LINGO2: variants seen among roughly 807,000 people sequenced by gnomAD.
LINGO2 encodes leucine rich repeat and Ig domain containing 2.
A neutral mutation model predicts 30.6 loss-of-function variants in LINGO2; 14 were observed. That is an observed-to-expected ratio of 0.46 (90% confidence interval 0.30 to 0.72). The LOEUF is 0.72. LINGO2 is among the 30% of genes least tolerant of loss of function. The pLI, the probability that LINGO2 is intolerant of heterozygous loss-of-function variation, is 0.07. For synonymous variants in LINGO2, 317 were observed against 288.5 expected (o/e 1.10, Z -1.00); for missense variants, 729 against 751.7 (o/e 0.97, Z 0.35).
At chr9:28,389,847 A>C (rs1209397928) in intron 2 of LINGO2, among the ~76,000 whole-genome samples, 1 of 152,168 alleles carries the variant, frequency 6.6e-6, no homozygotes, top group Non-Finnish European at 1.5e-5. Context: ...GGACACAATA[A>C]ATTTCTGATT....
intron 1 of LINGO2, among the ~76,000 whole-genome samples, chr9:28,501,098 T>TA (rs1232715222): frequency 1.3e-5 from 2 of 149,458 alleles, no homozygotes; most frequent in African/African-American, 5.1e-5. Flanking sequence ...GCAAAACAAA[T>TA]AAAAAAAGAT....
At chr9:28,565,506 T>A (rs539964805) in intron 1 of LINGO2, among the ~76,000 whole-genome samples, 77 of 150,788 alleles carry the variant, frequency 5.1e-4, no homozygotes, top group South Asian at 1.9e-3. Flanking sequence ...TTTTTATTTT[T>A]TTTTTTTTAC....
chr9:28,294,058 T>C (rs1191665884), intron 4 of LINGO2, among the ~76,000 whole-genome samples: 2 of 152,196 alleles, frequency 1.3e-5, no homozygotes, highest in Admixed American at 1.3e-4. Flanking sequence ...ATCTACACTA[T>C]TTCAAAAAAT....
chr9:28,551,785 A>G (rs1304002135), intron 1 of LINGO2, among the ~76,000 whole-genome samples: 1 of 152,066 alleles, frequency 6.6e-6, no homozygotes, highest in East Asian at 1.9e-4. Flanking sequence ...ATACAAATCA[A>G]GCCTTTTTCA....
chr9:29,009,497 A>G, the LINGO2 span, among the ~76,000 whole-genome samples: 1 of 152,226 alleles, frequency 6.6e-6, no homozygotes, highest in South Asian at 2.1e-4. Flanking sequence ...CTCTTCAAGG[A>G]GAACTACAAA....
the LINGO2 span, among the ~76,000 whole-genome samples, chr9:28,885,821 T>C: frequency 6.6e-6 from 1 of 152,132 alleles, no homozygotes; most frequent in African/African-American, 2.4e-5. Flanking sequence ...GAGGTTGCCA[T>C]GCAGAAACTA....
chr9:28,269,141 C>A (rs1340338369), intron 4 of LINGO2, among the ~76,000 whole-genome samples: 4 of 152,066 alleles, frequency 2.6e-5, no homozygotes, highest in Admixed American at 6.6e-5. Context: ...CAGAGTTAAA[C>A]ATGTCCATTT....
intron 1 of LINGO2, chr9:28,598,997 C>T (rs1352125084): frequency 1.3e-5 from 2 of 152,134 alleles, no homozygotes; most frequent in African/African-American, 4.8e-5. Context: ...AACTTGTTGT[C>T]AGATATGTTG....
intron 1 of LINGO2, among the ~76,000 whole-genome samples, chr9:28,512,620 TATATATATATATATATAC>T (rs780326233): frequency 0.46 from 16,838 of 36,832 alleles, 1,624 homozygotes; most frequent in South Asian, 0.54. Flanking sequence ...TATATATATA[TATATATATATATATATAC>T]ACACATACAT....
At chr9:29,136,356 T>C in the LINGO2 span, among the ~76,000 whole-genome samples, 9 of 152,196 alleles carry the variant, frequency 5.9e-5, no homozygotes, top group South Asian at 1.7e-3. Flanking sequence ...TCTATCTTCT[T>C]AACAAATCTA....
chr9:28,139,466 A>G (rs1465017405), intron 4 of LINGO2, among the ~76,000 whole-genome samples: 2 of 152,252 alleles, frequency 1.3e-5, no homozygotes, highest in Non-Finnish European at 2.9e-5. Context: ...TATATCAGCT[A>G]CATTCCTGGA....
chr9:28,464,726 G>T (rs1043185444), intron 2 of LINGO2, among the ~76,000 whole-genome samples: 10 of 152,144 alleles, frequency 6.6e-5, no homozygotes, highest in Admixed American at 2.6e-4. Flanking sequence ...TTAGAGTGGG[G>T]AACTTGGCTA....
intron 1 of LINGO2, among the ~76,000 whole-genome samples, chr9:28,554,803 C>T (rs1319556848): frequency 7.0e-6 from 1 of 143,332 alleles, no homozygotes; most frequent in Non-Finnish European, 1.5e-5. Flanking sequence ...AACAATCTCT[C>T]AGACCACAGT....
chr9:28,636,783 C>G (rs1174385162), intron 1 of LINGO2, among the ~76,000 whole-genome samples: 1 of 152,122 alleles, frequency 6.6e-6, no homozygotes, highest in African/African-American at 2.4e-5. Flanking sequence ...CCTGTTCACT[C>G]TGATGTTAGT....
the LINGO2 span, among the ~76,000 whole-genome samples, chr9:28,734,575 G>A: frequency 0.27 from 41,360 of 151,894 alleles, 5,956 homozygotes; most frequent in Admixed American, 0.39. Context: ...GCTGCTAAAT[G>A]GTAGATTCGC....
the LINGO2 span, among the ~76,000 whole-genome samples, chr9:28,950,957 A>C: frequency 6.6e-6 from 1 of 152,172 alleles, no homozygotes; most frequent in Non-Finnish European, 1.5e-5. Flanking sequence ...AAAAAGAACA[A>C]AGCTGGAGGC....
chr9:29,128,254 A>C, the LINGO2 span, among the ~76,000 whole-genome samples: 1 of 152,064 alleles, frequency 6.6e-6, no homozygotes, highest in Non-Finnish European at 1.5e-5. Context: ...AGACCTTAAC[A>C]TCTCCAAAGG....
intron 5 of LINGO2, among the ~76,000 whole-genome samples, chr9:27,959,075 T>C (rs1819712919): frequency 6.6e-6 from 1 of 152,170 alleles, no homozygotes; most frequent in Non-Finnish European, 1.5e-5. Context: ...TGCCTGAAGT[T>C]GTCATAAACT....
chr9:28,360,839 A>G (rs1321574374), intron 3 of LINGO2, among the ~76,000 whole-genome samples: 1 of 151,956 alleles, frequency 6.6e-6, no homozygotes. Flanking sequence ...TCTATTCCTG[A>G]GTATGACCTC....
Sources: allele counts gnomAD v4.1 joint callset (sites outside exome capture counted in the v4.1 genomes callset), GRCh38; gene constraint gnomAD v4.1.1; transcripts MANE v1.5; gene names NCBI Gene and HGNC (gene_info 2026-07-23, HGNC 2026-07-21).